ACAP2: variants seen among roughly 807,000 people sequenced by gnomAD.
The protein encoded by ACAP2 is ArfGAP with coiled-coil, ankyrin repeat and PH domains 2, also known as arf-GAP with coiled-coil, ANK repeat and PH domain-containing protein 2.
A neutral mutation model predicts 115.8 loss-of-function variants in ACAP2; 39 were observed. That is an observed-to-expected ratio of 0.34 (90% CI 0.26 to 0.44). The LOEUF is 0.44. Ranked by LOEUF, ACAP2 falls within the 20% of genes least tolerant of loss-of-function variation. The probability of loss-of-function intolerance (pLI) is 1.00; values close to 1 mark genes in which losing one functional copy is unlikely to be tolerated. For synonymous variants in ACAP2, 289 were observed against 315.8 expected, an observed-to-expected ratio of 0.92 and a Z score of 0.90; for missense variants, 662 against 927.6, an observed-to-expected ratio of 0.71 and a Z score of 3.72.
chr3:195,288,546 C>A (rs1727000467), intron 21 of ACAP2, among the ~76,000 whole-genome samples: 1 of 152,072 alleles, frequency 6.6e-6, no homozygotes, highest in African/African-American at 2.4e-5. Context: ...TAAAAAACAA[C>A]CATACAACAA....
intron 1 of ACAP2, among the ~76,000 whole-genome samples, chr3:195,424,259 GTGTATATA>G (rs1714449827): frequency 1.6e-5 from 1 of 64,180 alleles, no homozygotes; most frequent in African/African-American, 5.9e-5. Context: ...GTGTGTGTGT[GTGTATATA>G]TATATATATA....
chr3:195,352,971 C>T (rs1033190307), intron 4 of ACAP2, among the ~76,000 whole-genome samples: 17 of 151,726 alleles, frequency 1.1e-4, no homozygotes, highest in South Asian at 4.2e-4. Flanking sequence ...ATCCTAGCTA[C>T]TCAGGAGGCT....
intron 4 of ACAP2, among the ~76,000 whole-genome samples, chr3:195,367,071 AC>A (rs1732778246): frequency 4.0e-5 from 6 of 148,864 alleles, no homozygotes; most frequent in Admixed American, 3.4e-4. Context: ...AAAAAAAAAA[AC>A]GGCAATGGGC....
intron 22 of ACAP2, among the ~76,000 whole-genome samples, chr3:195,281,359 C>T (rs1446757456): frequency 2.6e-5 from 4 of 151,816 alleles, no homozygotes; most frequent in African/African-American, 4.8e-5. Context: ...GAGCCAAGAT[C>T]GCGCCACTGC....
intron 4 of ACAP2, among the ~76,000 whole-genome samples, chr3:195,366,920 A>G (rs1252545742): frequency 3.3e-5 from 5 of 152,140 alleles, no homozygotes; most frequent in Non-Finnish European, 7.3e-5. Flanking sequence ...TAAGCATTGA[A>G]GCTTGTGGGC....
intron 1 of ACAP2, among the ~76,000 whole-genome samples, chr3:195,436,380 C>T (rs982424017): frequency 2.6e-5 from 4 of 151,994 alleles, no homozygotes; most frequent in Non-Finnish European, 5.9e-5. Flanking sequence ...GCGATCTGCC[C>T]ACCTCAGCCT....
chr3:195,381,665 T>C (rs1303158527), intron 3 of ACAP2, among the ~76,000 whole-genome samples: 1 of 152,032 alleles, frequency 6.6e-6, no homozygotes, highest in African/African-American at 2.4e-5. Context: ...CTTAATAAAC[T>C]AACCACAACA....
At chr3:195,405,012 C>T (rs999545144) in intron 1 of ACAP2, among the ~76,000 whole-genome samples, 62 of 151,980 alleles carry the variant, frequency 4.1e-4, no homozygotes, top group African/African-American at 1.4e-3. Flanking sequence ...GTTGTCCAGG[C>T]TGGTCTCGAA....
At chr3:195,394,060 T>C (rs969767058) in intron 1 of ACAP2, among the ~76,000 whole-genome samples, 1 of 152,186 alleles carries the variant, frequency 6.6e-6, no homozygotes, top group Admixed American at 6.5e-5. Flanking sequence ...TCAGCAACTA[T>C]GCATTTCTAA....
Position 195,341,328 on chromosome 3 carries a change from T to G in ACAP2, c.528+1143A>C, listed in dbSNP as rs867789361. Among the ~76,000 whole-genome samples the G allele has an allele frequency of 3.9e-4, 54 of 139,694 alleles. No individual in the cohort carries two copies. In the Middle Eastern group the frequency reaches 0.018, roughly 46 times the overall value. The allele number at this position is 139,694 out of a possible 152,430, so 91.6% of individuals were successfully genotyped here. ...GTTTGTTTTATTGTGTGGGTTTTTTTTTTTTTTTTTTTTTGAGACGGAGTC... is the reference window on the plus strand; with the variant it reads ...GTTTGTTTTATTGTGTGGGTTTTTTGTTTTTTTTTTTTTTGAGACGGAGTC... On this transcript the variant is annotated intron_variant, in intron 6 of 22. Coordinates refer to ENST00000326793, the MANE Select transcript of ACAP2 (RefSeq NM_012287.6).
chr3:195,379,169 T>C (rs1157169140), intron 4 of ACAP2, among the ~76,000 whole-genome samples: 1 of 152,142 alleles, frequency 6.6e-6, no homozygotes, highest in Non-Finnish European at 1.5e-5. Flanking sequence ...GTCAAATTGG[T>C]GTCAAATACT....
chr3:195,293,534 T>C (rs1409765897), intron 18 of ACAP2, among the ~76,000 whole-genome samples: 1 of 152,232 alleles, frequency 6.6e-6, no homozygotes. Context: ...CACATACCAT[T>C]AGGCTTGGAA....
In ACAP2 at chr3:195,277,576, T is replaced by C. The variant is rs563864715; in HGVS notation, c.*1752A>G. The C allele has an allele frequency of 6.6e-6, 1 of 152,376 alleles. No individual in the cohort carries two copies. Among genetic ancestry groups the C allele is most frequent in the East Asian group, 1.9e-4 (1 of 5,194 alleles). 9.4% of individuals were successfully genotyped at this position (152,376 alleles called of 1,614,324 possible). On this transcript the variant is annotated 3_prime_UTR_variant, in exon 23 of 23. Transcript: ENST00000326793. ...TCTGTAATGTGAACTTATTTCAATA[T>C]AATTCCTGCTTGGCTAGATTCTGAT... is the stretch of plus-strand genomic sequence containing the variant.
intron 1 of ACAP2, among the ~76,000 whole-genome samples, chr3:195,403,438 C>A (rs1467326991): frequency 6.6e-6 from 1 of 152,094 alleles, no homozygotes; most frequent in Non-Finnish European, 1.5e-5. Flanking sequence ...GAGAAGACTG[C>A]AAAGAAACAA....
chr3:195,291,766 T>G lies in ACAP2; in HGVS notation c.2003A>C (p.Asn668Thr). 1 of 1,614,062 alleles carries G rather than the reference T, an allele frequency of 6.2e-7. No individual in the cohort carries two copies. The highest frequency in any genetic ancestry group is 1.1e-5 in the South Asian group (1 of 91,072). ...TCCCCGCCCTTGGACATCTCTTTGG[T>G]TGACATTAGCACCATTCTGTAGGAG... The part of the protein sequence containing the change: ...EFLLQNGANV[N>T]QRDVQGRGPL... Residue 668 changes from asparagine (N) to threonine (T), a missense_variant, in exon 20 of 23, where the codon AAC becomes ACC. Around this residue, in one of 3 missense-constraint regions of ACAP2, gnomAD observed 128 missense variants for 200.2 expected, o/e 0.64. Coordinates refer to ENST00000326793, the MANE Select transcript of ACAP2 (RefSeq NM_012287.6).
chr3:195,412,495 C>A (rs1713360839), intron 1 of ACAP2, among the ~76,000 whole-genome samples: 2 of 151,682 alleles, frequency 1.3e-5, no homozygotes, highest in African/African-American at 4.8e-5. Context: ...GCCTGTAGTC[C>A]CAGCTACTCA....
intron 4 of ACAP2, among the ~76,000 whole-genome samples, chr3:195,368,923 A>C (rs1178771797): frequency 6.6e-6 from 1 of 152,166 alleles, no homozygotes; most frequent in Admixed American, 6.5e-5. Flanking sequence ...ATCTCTACTA[A>C]AAATACAAAA....
intron 4 of ACAP2, 102 bp from the exon 5 acceptor site, chr3:195,345,419 A>G (rs1731134708): frequency 5.6e-6 from 4 of 708,072 alleles, no homozygotes; most frequent in Admixed American, 2.3e-5. Context: ...TTCAATTCTA[A>G]TACCGTCTAT....
In ACAP2 at chr3:195,354,216, C is replaced by A. The variant is rs576014868; in HGVS notation, c.286-8899G>T. On this transcript the variant is annotated intron_variant, in intron 4 of 22. Transcript: ENST00000326793. The stretch of plus-strand genomic sequence containing the variant: ...CATAGTATTCCATAGTGTATATGTA[C>A]GTATGCATTTTCTTTATCCAGTCTA... Among the ~76,000 whole-genome samples the A allele has an allele frequency of 4.1e-4, 63 of 152,240 alleles. 1 individual carries two copies. In the South Asian group the frequency reaches 0.012, roughly 30 times the overall value.
Sources: allele counts gnomAD v4.1 joint callset (sites outside exome capture counted in the v4.1 genomes callset), GRCh38; gene constraint gnomAD v4.1.1; regional missense constraint gnomAD v4.1.1; transcripts MANE v1.5; gene names NCBI Gene and HGNC (gene_info 2026-07-23, HGNC 2026-07-21).